ATG7: variants seen among roughly 807,000 people sequenced by gnomAD.
ATG7 encodes autophagy related 7.
A neutral mutation model predicts 82.4 loss-of-function variants in ATG7; 70 were observed. The observed-to-expected ratio is 0.85, with a 90% CI of 0.70 to 1.04. The LOEUF (loss-of-function observed/expected upper bound fraction) is 1.04. Among genes scored for constraint, ATG7 ranks in the 50% least tolerant of loss-of-function variants. The probability of loss-of-function intolerance (pLI) is 0.00; values close to 1 mark genes in which losing one functional copy is unlikely to be tolerated. For missense variants in ATG7, 792 were observed against 864.3 expected (o/e 0.92, Z 1.05); for synonymous variants, 287 against 313.0 (o/e 0.92, Z 0.88).
At chr3:11,489,491 T>TGTTA (rs201740704) in intron 20 of ATG7, among the ~76,000 whole-genome samples, 33 of 147,042 alleles carry the variant, frequency 2.2e-4, no homozygotes. Flanking sequence ...TCAGTTCTGC[T>TGTTA]CTTTAGTTAT....
At chr3:11,457,655 G>A (rs975815687) in intron 20 of ATG7, among the ~76,000 whole-genome samples, 5 of 152,182 alleles carry the variant, frequency 3.3e-5, no homozygotes, top group African/African-American at 1.2e-4. Flanking sequence ...TAGGCACAAA[G>A]TGACTATACT....
chr3:11,345,516 T>C (rs893289877), intron 13 of ATG7, among the ~76,000 whole-genome samples: 1 of 152,258 alleles, frequency 6.6e-6, no homozygotes, highest in Non-Finnish European at 1.5e-5. Flanking sequence ...GATTTTGTAC[T>C]GCTTTTCTAG....
rs1395596220 is a variant in ATG7 at position 11,510,173 on chromosome 3, AC to A, written c.2080-44633del. 1.5e-5 allele frequency: 7 copies of A among 455,150 alleles called. No individual in the cohort carries two copies. In the East Asian group the frequency reaches 2.1e-4, roughly 14 times the overall value. 28.2% of individuals were successfully genotyped at this position (455,150 alleles called of 1,614,324 possible). On this transcript the variant is annotated intron_variant, in intron 20 of 20. Coordinates refer to ENST00000693202, the MANE Select transcript of ATG7 (RefSeq NM_001349232.2). ...GAGTTGCCTGAAATCATATATCTTTACCCCCTTTCAGGATCATCTTTCTTTC... is the reference window on the plus strand; with the variant it reads ...GAGTTGCCTGAAATCATATATCTTTACCCCTTTCAGGATCATCTTTCTTTC...
At position 11,519,545 on chromosome 3, in the gene ATG7, T is replaced by TG. The variant is rs1559791276; in HGVS notation, c.2080-35266_2080-35265insG. On this transcript the variant is annotated intron_variant, in intron 20 of 20. Transcript: ENST00000693202. Reference sequence around the variant, plus strand: ...AAGGCAGGCAGTGAGAGGAGTTTTTTTTTTTTTTTTTTTTTTTTTTTTTTT... The same window carrying TG: ...AAGGCAGGCAGTGAGAGGAGTTTTTTGTTTTTTTTTTTTTTTTTTTTTTTTT... 8.5e-5 allele frequency among the ~76,000 whole-genome samples: 5 copies of TG among 58,752 alleles called. No homozygotes were observed. In the East Asian group the frequency reaches 9.9e-4, roughly 12 times the overall value. 38.5% of individuals were successfully genotyped at this position (58,752 alleles called of 152,430 possible). A position where few individuals can be genotyped will look rare whatever the true frequency, so the allele number is the denominator to read the frequency against.
At chr3:11,435,417 T>C (rs984033970) in intron 20 of ATG7, among the ~76,000 whole-genome samples, 2 of 152,210 alleles carry the variant, frequency 1.3e-5, no homozygotes, top group African/African-American at 4.8e-5. Flanking sequence ...TCATGAAACA[T>C]GCTACTCACT....
the ATG7 span, among the ~76,000 whole-genome samples, chr3:11,574,781 A>ATGTGTGTGTGTG: frequency 2.5e-5 from 3 of 120,942 alleles, no homozygotes; most frequent in Non-Finnish European, 3.4e-5. Flanking sequence ...CAATTCAACT[A>ATGTGTGTGTGTG]TATATGTGTG....
chr3:11,278,022 A>C (rs1344326464), intron 1 of ATG7, among the ~76,000 whole-genome samples: 1 of 152,138 alleles, frequency 6.6e-6, no homozygotes, highest in East Asian at 1.9e-4. Context: ...AAGAACAAAA[A>C]TATGGCTGTA....
chr3:11,382,445 G>A (rs1320190136), intron 19 of ATG7, among the ~76,000 whole-genome samples: 1 of 152,216 alleles, frequency 6.6e-6, no homozygotes, highest in Non-Finnish European at 1.5e-5. Flanking sequence ...CACATAACGA[G>A]GTGAATTGTT....
intron 14 of ATG7, among the ~76,000 whole-genome samples, chr3:11,353,910 T>G (rs1389888515): frequency 6.6e-6 from 1 of 152,190 alleles, no homozygotes; most frequent in Admixed American, 6.5e-5. Context: ...TACAAAGAAG[T>G]GTACCAGGAG....
At position 11,274,189 on chromosome 3, in the gene ATG7, C is replaced by T. The variant is rs75825011; in HGVS notation, c.-366+1759C>T. Among the ~76,000 whole-genome samples the T allele has an allele frequency of 9.6e-3, 1,466 of 152,248 alleles. 32 individuals are homozygous for T. Among genetic ancestry groups the T allele is most frequent in the African/African-American group, 0.033 (1,388 of 41,528 alleles). On this transcript the variant is annotated intron_variant, in intron 1 of 20. Transcript: ENST00000693202. The stretch of plus-strand genomic sequence containing the variant: ...ACAGGTTCCGTTTTTCGTTCCCAGC[C>T]AGCATCTCATTATAGAGAATAAACA...
At chr3:11,383,151 T>C (rs188581864) in intron 19 of ATG7, among the ~76,000 whole-genome samples, 2 of 152,352 alleles carry the variant, frequency 1.3e-5, no homozygotes, top group South Asian at 2.1e-4. Flanking sequence ...TACCAGTTAA[T>C]GTTCATTATA....
chr3:11,394,033 T>C (rs976781726), intron 19 of ATG7, among the ~76,000 whole-genome samples: 5 of 152,156 alleles, frequency 3.3e-5, no homozygotes, highest in African/African-American at 1.2e-4. Flanking sequence ...GATATTCTGG[T>C]ATTGTGGAGA....
At chr3:11,434,348 C>A (rs999857085) in intron 20 of ATG7, among the ~76,000 whole-genome samples, 1 of 152,224 alleles carries the variant, frequency 6.6e-6, no homozygotes, top group Non-Finnish European at 1.5e-5. Flanking sequence ...GGAGAGAAAT[C>A]GCTCTGGGGA....
intron 11 of ATG7, among the ~76,000 whole-genome samples, chr3:11,333,742 A>G (rs151190085): frequency 0.013 from 1,888 of 149,828 alleles, 41 homozygotes; most frequent in African/African-American, 0.044. Context: ...AGCTCCGGAT[A>G]TATTTCTTTT....
intron 3 of ATG7, among the ~76,000 whole-genome samples, chr3:11,293,083 G>A (rs1166053983): frequency 6.6e-6 from 1 of 152,122 alleles, no homozygotes; most frequent in African/African-American, 2.4e-5. Context: ...CAGAATTTAG[G>A]GAAAATATAT....
At chr3:11,330,373 T>C (rs545738660) in intron 9 of ATG7, among the ~76,000 whole-genome samples, 2 of 152,334 alleles carry the variant, frequency 1.3e-5, no homozygotes, top group East Asian at 3.9e-4. Context: ...TGTGGACTCG[T>C]AGATACTTAT....
chr3:11,498,779 A>G (rs2091072166), intron 20 of ATG7, among the ~76,000 whole-genome samples: 1 of 152,326 alleles, frequency 6.6e-6, no homozygotes, highest in Admixed American at 6.5e-5. Context: ...GGCCAGGCCC[A>G]ACCCACTTGT....
intron 20 of ATG7, among the ~76,000 whole-genome samples, chr3:11,548,791 G>A (rs1189067508): frequency 6.6e-6 from 1 of 152,008 alleles, no homozygotes; most frequent in East Asian, 1.9e-4. Context: ...GGCCTCTTGG[G>A]CCTGTTCCCA....
At chr3:11,441,622 T>A (rs12163566) in intron 20 of ATG7, among the ~76,000 whole-genome samples, 76,925 of 150,502 alleles carry the variant, frequency 0.51, 20,639 homozygotes, top group East Asian at 0.68. Context: ...AATATTGGTT[T>A]ATCTGTACTC....
Sources: allele counts gnomAD v4.1 joint callset (sites outside exome capture counted in the v4.1 genomes callset), GRCh38; gene constraint gnomAD v4.1.1; transcripts MANE v1.5; gene names NCBI Gene and HGNC (gene_info 2026-07-23, HGNC 2026-07-21).